The following GPC3 variants were observed in gnomAD, a reference collection of about 807,000 sequenced individuals.
GPC3 encodes the protein glypican 3.
A neutral mutation model predicts 34.4 loss-of-function variants in GPC3; 3 were observed. That is an observed-to-expected ratio of 0.09 (90% CI 0.04 to 0.23). The LOEUF is 0.23. Ranked by LOEUF, GPC3 falls within the 10% of genes least tolerant of loss-of-function variation. The probability of loss-of-function intolerance (pLI) is 1.00; values close to 1 mark genes in which losing one functional copy is unlikely to be tolerated. For missense variants in GPC3, 351 were observed against 445.6 expected, an observed-to-expected ratio of 0.79 and a Z score of 1.91; for synonymous variants, 177 against 174.0, an observed-to-expected ratio of 1.02 and a Z score of -0.13.
chrX:133,558,625 G>A, intron 7 of GPC3, among the ~76,000 whole-genome samples: 1 of 111,048 alleles, frequency 9.0e-6, no homozygotes, highest in Admixed American at 9.6e-5. Flanking sequence ...AGGTGCGGTG[G>A]CTCACGCCTG....
intron 7 of GPC3, among the ~76,000 whole-genome samples, chrX:133,572,357 T>C (rs959101560): frequency 2.7e-5 from 3 of 111,393 alleles, no homozygotes; most frequent in South Asian, 7.6e-4. Flanking sequence ...CAGAGGAAAA[T>C]TTATGGCTAT....
rs2314298 is a variant in GPC3, at chrX:133,596,513, A to G, written c.1500T>C (p.Asp500=). Residue 500 remains aspartate, a synonymous_variant, in exon 7 of 8, where the codon GAT becomes GAC. Coordinates refer to ENST00000370818, the MANE Select transcript of GPC3 (RefSeq NM_004484.4). ...AGCCTCCAATGCACTCATCTTCATC[A>G]TCACCGCAGTCTCCACTTTCAAACC... ...EEGFESGDCG[D]DEDECIGGSG... is the part of the protein sequence containing the mutation. The G allele has an allele frequency of 0.013, 15,052 of 1,203,953 alleles. 1,127 individuals are homozygous for G. The African/African-American group carries it at 0.22, about 18-fold the overall frequency.
At chrX:133,621,086 C>G (rs2070227537) in intron 6 of GPC3, among the ~76,000 whole-genome samples, 1 of 109,714 alleles carries the variant, frequency 9.1e-6, no homozygotes, top group African/African-American at 3.4e-5. Flanking sequence ...GACTCTTTTC[C>G]TCAACAAGAA....
At chrX:133,578,097 C>T (rs2069703423) in intron 7 of GPC3, among the ~76,000 whole-genome samples, 1 of 112,239 alleles carries the variant, frequency 8.9e-6, no homozygotes, top group African/African-American at 3.2e-5. Flanking sequence ...ATAGTAAGCA[C>T]TCAAAAAATA....
chrX:133,725,355 C>T (rs1365642780), intron 3 of GPC3, among the ~76,000 whole-genome samples: 2 of 111,780 alleles, frequency 1.8e-5, no homozygotes, highest in Non-Finnish European at 3.8e-5. Flanking sequence ...GAGACCCTGT[C>T]TCTATTATTA....
intron 2 of GPC3, among the ~76,000 whole-genome samples, chrX:133,896,050 G>A (rs1387710659): frequency 8.9e-6 from 1 of 111,926 alleles, no homozygotes; most frequent in African/African-American, 3.2e-5. Flanking sequence ...TTATTGGATA[G>A]AGGAAACAGC....
intron 2 of GPC3, among the ~76,000 whole-genome samples, chrX:133,800,115 C>G (rs1482272795): frequency 8.9e-6 from 1 of 112,119 alleles, no homozygotes; most frequent in Non-Finnish European, 1.9e-5. Context: ...TTTGGCTTCC[C>G]AAAGATTGGT....
At chrX:133,670,330 T>C (rs937901660) in intron 5 of GPC3, among the ~76,000 whole-genome samples, 2 of 111,779 alleles carry the variant, frequency 1.8e-5, no homozygotes, top group African/African-American at 6.5e-5. Context: ...AAGTCCCACA[T>C]TTAGAAGAAA....
intron 2 of GPC3, among the ~76,000 whole-genome samples, chrX:133,892,275 G>A (rs1002085006): frequency 1.4e-4 from 16 of 111,251 alleles, no homozygotes; most frequent in African/African-American, 4.6e-4. Flanking sequence ...CAAAACTATC[G>A]ACAAACCCTT....
chrX:133,536,408 T>C (rs1192148500), intron 7 of GPC3, 115 bp from the exon 8 acceptor site: 13 of 545,662 alleles, frequency 2.4e-5, no homozygotes, highest in Admixed American at 2.2e-4. Context: ...TTTGATTCCC[T>C]TTTTTATGGG....
chrX:133,983,209 T>C (rs989594904), intron 1 of GPC3, among the ~76,000 whole-genome samples: 1 of 112,646 alleles, frequency 8.9e-6, no homozygotes, highest in African/African-American at 3.2e-5. Context: ...TGCTCAACAG[T>C]GTTTGTGTTT....
At chrX:133,624,098 C>T (rs2070267251) in intron 6 of GPC3, among the ~76,000 whole-genome samples, 1 of 111,793 alleles carries the variant, frequency 8.9e-6, no homozygotes, top group South Asian at 3.7e-4. Flanking sequence ...TAAAGATGTT[C>T]TTTGAAACCA....
At chrX:133,879,290 T>C (rs1236596617) in intron 2 of GPC3, among the ~76,000 whole-genome samples, 2 of 111,056 alleles carry the variant, frequency 1.8e-5, no homozygotes, top group African/African-American at 6.5e-5. Flanking sequence ...TCATTCCATG[T>C]ATAGAGTCCA....
intron 2 of GPC3, among the ~76,000 whole-genome samples, chrX:133,857,863 T>C (rs763194747): frequency 8.9e-6 from 1 of 112,379 alleles, no homozygotes; most frequent in Admixed American, 9.4e-5. Context: ...CAATTATTCC[T>C]GAACAATAAA....
chrX:133,912,951 G>T (rs1396567532), intron 2 of GPC3, among the ~76,000 whole-genome samples: 4 of 109,057 alleles, frequency 3.7e-5, no homozygotes, highest in African/African-American at 6.7e-5. Flanking sequence ...CTACTCGGGA[G>T]TCTGAGGCAG....
At chrX:133,834,954 T>C (rs2124546664) in intron 2 of GPC3, among the ~76,000 whole-genome samples, 1 of 112,347 alleles carries the variant, frequency 8.9e-6, no homozygotes, top group East Asian at 2.8e-4. Flanking sequence ...CTGTTTACTT[T>C]TGCTGCTAGG....
intron 6 of GPC3, among the ~76,000 whole-genome samples, chrX:133,651,378 T>C (rs1184002401): frequency 9.1e-6 from 1 of 110,148 alleles, no homozygotes; most frequent in Non-Finnish European, 1.9e-5. Context: ...ATCAAGAGAG[T>C]TGCCAAATTA....
chrX:133,930,374 T>C (rs1015132014), intron 2 of GPC3, among the ~76,000 whole-genome samples: 1 of 112,146 alleles, frequency 8.9e-6, no homozygotes, highest in African/African-American at 3.2e-5. Context: ...TTGTCCCAAA[T>C]GTTCAAATGT....
chrX:133,912,976 C>T (rs1356655564), intron 2 of GPC3, among the ~76,000 whole-genome samples: 1 of 108,164 alleles, frequency 9.2e-6, no homozygotes, highest in Non-Finnish European at 1.9e-5. Flanking sequence ...ATTGCTTGAA[C>T]CCGGGAGGTA....
Sources: allele counts gnomAD v4.1 joint callset (sites outside exome capture counted in the v4.1 genomes callset), GRCh38; gene constraint gnomAD v4.1.1; transcripts MANE v1.5; gene names NCBI Gene and HGNC (gene_info 2026-07-23, HGNC 2026-07-21).